The following CSMD1 variants were observed in gnomAD, a reference collection of about 807,000 sequenced individuals.
CSMD1 encodes the protein CUB and Sushi multiple domains 1.
In CSMD1, 213 loss-of-function variants were observed where a neutral mutation model predicts 417.5. The observed-to-expected ratio is 0.51, with a 90% CI of 0.46 to 0.57. The LOEUF is 0.57. CSMD1 is among the 20% of genes least tolerant of loss of function. The pLI is 0.00. For missense variants in CSMD1, 6,923 were observed against 4,529.7 expected (o/e 1.53, Z -15.17); for synonymous variants, 2,862 against 1,736.8 (o/e 1.65, Z -16.11).
intron 26 of CSMD1, among the ~76,000 whole-genome samples, chr8:3,279,965 C>A (rs760924311): frequency 6.6e-6 from 1 of 152,126 alleles, no homozygotes; most frequent in Non-Finnish European, 1.5e-5. Flanking sequence ...AGAACCTAAC[C>A]GTATCAGGAA....
intron 31 of CSMD1, among the ~76,000 whole-genome samples, chr8:3,205,128 T>C (rs973175049): frequency 2.6e-5 from 4 of 152,334 alleles, no homozygotes; most frequent in Non-Finnish European, 5.9e-5. Context: ...ACTGAATGTA[T>C]GTGCCATTCA....
chr8:4,345,954 G>T (rs962483201), intron 3 of CSMD1, among the ~76,000 whole-genome samples: 3 of 152,028 alleles, frequency 2.0e-5, no homozygotes, highest in Non-Finnish European at 4.4e-5. Flanking sequence ...TTCAAACTAC[G>T]CTCTTCATAC....
chr8:4,473,319 AG>A (rs1442251651), intron 2 of CSMD1, among the ~76,000 whole-genome samples: 1 of 152,210 alleles, frequency 6.6e-6, no homozygotes, highest in Non-Finnish European at 1.5e-5. Context: ...ACACAAAAGG[AG>A]GGAAAATCAG....
intron 5 of CSMD1, among the ~76,000 whole-genome samples, chr8:3,966,660 G>A (rs1045110688): frequency 3.9e-5 from 6 of 152,032 alleles, no homozygotes; most frequent in African/African-American, 1.2e-4. Context: ...CAAAGACCAT[G>A]TGCTGTGTTT....
chr8:3,975,559 G>A (rs1335849120), intron 5 of CSMD1, among the ~76,000 whole-genome samples: 1 of 152,088 alleles, frequency 6.6e-6, no homozygotes, highest in Admixed American at 6.6e-5. Flanking sequence ...CGGGATGACG[G>A]GCAGCGCTTT....
At chr8:3,999,151 CTTTTCTTTCTTCT>C (rs1164976249) in intron 4 of CSMD1, among the ~76,000 whole-genome samples, 8 of 151,086 alleles carry the variant, frequency 5.3e-5, no homozygotes, top group East Asian at 3.9e-4. Context: ...TTCTTTCTTC[CTTTTCTTTCTTCT>C]TTTTCTTTCT....
intron 2 of CSMD1, among the ~76,000 whole-genome samples, chr8:4,441,095 G>GTTTTTTGTTTTTTT (rs1554478144): frequency 1.9e-5 from 1 of 51,296 alleles, no homozygotes; most frequent in African/African-American, 6.7e-5. Context: ...TAATCAAAAG[G>GTTTTTTGTTTTTTT]TTTTTTTTTT....
In CSMD1 at chr8:3,486,266, T is replaced by C. The variant is rs545835998; in HGVS notation, c.1448+7357A>G. ...CCTTGTACTGTACTTTTAATCTTTT[T>C]AAAACTATTTTTTATCTACCATTCT... On this transcript the variant is annotated intron_variant, in intron 11 of 69. Coordinates refer to ENST00000635120, the MANE Select transcript of CSMD1 (RefSeq NM_033225.6). Among the ~76,000 whole-genome samples, 5 of 121,392 alleles carry C rather than the reference T, an allele frequency of 4.1e-5. No homozygotes were observed. In the South Asian group the frequency reaches 1.2e-3, roughly 29 times the overall value. 79.6% of individuals were successfully genotyped at this position (121,392 alleles called of 152,430 possible). A position where few individuals can be genotyped will look rare whatever the true frequency, so the allele number is the denominator to read the frequency against.
chr8:4,041,742 T>G (rs946569472), intron 3 of CSMD1, among the ~76,000 whole-genome samples: 21 of 152,242 alleles, frequency 1.4e-4, no homozygotes, highest in African/African-American at 5.1e-4. Flanking sequence ...TGCCCTGTTC[T>G]CAGTCAGGTG....
chr8:4,606,328 G>T (rs144355441), intron 2 of CSMD1, among the ~76,000 whole-genome samples: 1 of 151,910 alleles, frequency 6.6e-6, no homozygotes, highest in Non-Finnish European at 1.5e-5. Context: ...TGTGGACTGG[G>T]AAGAAAACAG....
chr8:3,902,315 T>A (rs773270614), intron 5 of CSMD1, among the ~76,000 whole-genome samples: 1 of 152,196 alleles, frequency 6.6e-6, no homozygotes, highest in African/African-American at 2.4e-5. Context: ...CTCCAACTAT[T>A]ACCCAGTAAG....
intron 1 of CSMD1, among the ~76,000 whole-genome samples, chr8:4,671,520 T>C (rs1326333188): frequency 2.6e-5 from 4 of 152,208 alleles, no homozygotes; most frequent in Non-Finnish European, 5.9e-5. Flanking sequence ...AAAGTGTGAC[T>C]GGCCAGCTTC....
chr8:4,360,745 C>A (rs1394816004), intron 3 of CSMD1, among the ~76,000 whole-genome samples: 1 of 151,622 alleles, frequency 6.6e-6, no homozygotes. Context: ...CCGCCTACCT[C>A]GGCCTCCAAA....
intron 10 of CSMD1, among the ~76,000 whole-genome samples, chr8:3,552,533 A>C (rs1046228485): frequency 1.3e-5 from 2 of 152,184 alleles, no homozygotes; most frequent in African/African-American, 4.8e-5. Context: ...AGTTTTTTTG[A>C]ATTGGATTAG....
chr8:3,768,239 C>T (rs925595047), intron 5 of CSMD1, among the ~76,000 whole-genome samples: 3 of 152,096 alleles, frequency 2.0e-5, no homozygotes, highest in African/African-American at 7.2e-5. Context: ...CCAATGGCAA[C>T]AAGGCGGAGA....
At chr8:4,086,941 G>A (rs1009116416) in intron 3 of CSMD1, among the ~76,000 whole-genome samples, 5 of 152,200 alleles carry the variant, frequency 3.3e-5, no homozygotes, top group Admixed American at 6.5e-5. Flanking sequence ...CTAACCAGCT[G>A]TGTGGTTTGG....
At chr8:4,015,659 C>G in intron 4 of CSMD1, among the ~76,000 whole-genome samples, 1 of 44,554 alleles carries the variant, frequency 2.2e-5, no homozygotes, top group Non-Finnish European at 4.3e-5. Flanking sequence ...CAGTTTGAAT[C>G]TTAAAAAAAA....
intron 3 of CSMD1, among the ~76,000 whole-genome samples, chr8:4,307,503 C>T (rs1418354705): frequency 6.6e-6 from 1 of 152,078 alleles, no homozygotes; most frequent in Non-Finnish European, 1.5e-5. Context: ...ACTTCACTAC[C>T]CTGTTATGTC....
chr8:3,945,953 C>A (rs1230517986), intron 5 of CSMD1, among the ~76,000 whole-genome samples: 1 of 152,124 alleles, frequency 6.6e-6, no homozygotes, highest in African/African-American at 2.4e-5. Flanking sequence ...TTACTAATAA[C>A]TTAAATTTAT....
Sources: gnomAD v4.1 joint callset for allele counts (sites outside exome capture counted in the v4.1 genomes callset) on GRCh38, gnomAD v4.1.1 for gene constraint, MANE v1.5 for transcripts, NCBI Gene and HGNC (gene_info 2026-07-23, HGNC 2026-07-21) for gene names.